The following PITPNM2 variants were observed in gnomAD, a reference collection of about 807,000 sequenced individuals.
PITPNM2 encodes phosphatidylinositol transfer protein membrane associated 2.
PITPNM2 carries 35 observed loss-of-function variants against 132.2 expected under a neutral mutation model. That is an observed-to-expected ratio of 0.26 (90% CI 0.20 to 0.35). The LOEUF (loss-of-function observed/expected upper bound fraction) is 0.35, where lower values mean the gene tolerates loss of function less well. PITPNM2 is among the 10% of genes least tolerant of loss of function. The pLI, the probability that PITPNM2 is intolerant of heterozygous loss-of-function variation, is 1.00. For synonymous variants in PITPNM2, 738 were observed against 799.2 expected (o/e 0.92, Z 1.29); for missense variants, 1,332 against 1,912.0 (o/e 0.70, Z 5.66).
upstream of PITPNM2, among the ~76,000 whole-genome samples, chr12:123,151,841 A>C (rs192665489): frequency 1.3e-5 from 2 of 152,196 alleles, no homozygotes; most frequent in Non-Finnish European, 2.9e-5. Flanking sequence ...CCTAAAACTT[A>C]GTGATGTGTG....
chr12:123,074,075 AGAGG>A (rs1268739318), intron 2 of PITPNM2, among the ~76,000 whole-genome samples: 3 of 152,226 alleles, frequency 2.0e-5, no homozygotes, highest in African/African-American at 7.2e-5. Flanking sequence ...TGAGTGAGGC[AGAGG>A]GAGGGAGGGA....
At chr12:123,136,266 C>T (rs1273813878) in intron 1 of PITPNM2, among the ~76,000 whole-genome samples, 1 of 151,688 alleles carries the variant, frequency 6.6e-6, no homozygotes, top group Non-Finnish European at 1.5e-5. Flanking sequence ...CGCACCACTG[C>T]ACTCCAGCCT....
Position 122,985,026 on chromosome 12 carries a change from T to A in PITPNM2, c.*1001A>T, listed in dbSNP as rs1220366303. 1 of 152,056 alleles carries A rather than the reference T, an allele frequency of 6.6e-6. No individual in the cohort carries two copies. The highest frequency in any genetic ancestry group is 1.5e-5 in the Non-Finnish European group (1 of 67,996). The allele number at this position is 152,056 out of a possible 1,614,324, so 9.4% of individuals were successfully genotyped here. On this transcript the variant is annotated 3_prime_UTR_variant, in exon 26 of 26. Coordinates refer to ENST00000320201, the MANE Select transcript of PITPNM2 (RefSeq NM_020845.3). ...TGCCCCACCCACCCCAGAGTAGAAA[T>A]TCAGTGGGATTGCCGGGGCCAGGTG...
intron 2 of PITPNM2, among the ~76,000 whole-genome samples, chr12:123,070,173 T>A (rs1272362452): frequency 3.9e-5 from 6 of 152,194 alleles, no homozygotes; most frequent in Non-Finnish European, 7.4e-5. Context: ...CCCAGCTCTC[T>A]TCACTGCTCT....
intron 2 of PITPNM2, among the ~76,000 whole-genome samples, chr12:123,041,985 C>T (rs533789129): frequency 1.3e-5 from 2 of 152,262 alleles, no homozygotes; most frequent in East Asian, 3.9e-4. Context: ...AAACACCTGG[C>T]CAGACCGTGT....
chr12:123,136,691 A>G (rs2137610633), intron 1 of PITPNM2, among the ~76,000 whole-genome samples: 2 of 152,200 alleles, frequency 1.3e-5, no homozygotes, highest in Admixed American at 1.3e-4. Context: ...AGGTCAGGAG[A>G]TTGACACCAT....
chr12:123,069,799 T>C (rs1256208648), intron 2 of PITPNM2, among the ~76,000 whole-genome samples: 1 of 152,106 alleles, frequency 6.6e-6, no homozygotes, highest in African/African-American at 2.4e-5. Flanking sequence ...CAAATATTTG[T>C]TAGATAAAAG....
chr12:123,009,923 T>G lies in PITPNM2; in HGVS notation c.570A>C (p.Ala190=). The G allele has an allele frequency of 6.2e-7, 1 of 1,614,190 alleles. No homozygotes were observed. Among genetic ancestry groups the G allele is most frequent in the Non-Finnish European group, 8.5e-7 (1 of 1,180,032 alleles). The change falls in exon 6 of 26, where the codon GCA becomes GCC. Residue 190 remains alanine, a synonymous_variant. Transcript: ENST00000320201. This position sits in a 1 kb window ranked among gnomAD's most constrained non-coding sequence, Gnocchi z 4.8. ...GGAACTCCACCTTGCAGAGCTTGTA[T>G]GCGCACATGATGGGGAAGACCTGCT... ...YKKQVFPIMC[A]YKLCKVEFRY...
intron 12 of PITPNM2, 65 bp downstream of exon 12, chr12:122,996,656 C>G: frequency 6.2e-7 from 1 of 1,611,476 alleles, no homozygotes; most frequent in Non-Finnish European, 8.5e-7. Context: ...CACCTTCCCC[C>G]TGAGGCCAGC....
At chr12:123,151,159 AGCG>A (rs1048978238), upstream of PITPNM2, among the ~76,000 whole-genome samples, 3 of 143,300 alleles carry the variant, frequency 2.1e-5, no homozygotes, top group Admixed American at 6.8e-5. Context: ...CGCGCGGGGG[AGCG>A]GCGGCGGCGG....
chr12:123,136,368 G>A (rs1034372225), intron 1 of PITPNM2, among the ~76,000 whole-genome samples: 3 of 152,012 alleles, frequency 2.0e-5, no homozygotes, highest in African/African-American at 7.3e-5. Flanking sequence ...ATTTAACTTG[G>A]TGTTAAAGAA....
chr12:123,117,843 C>T lies in PITPNM2; in HGVS notation c.-199-7355G>A, dbSNP rs566184172. 7.2e-5 allele frequency among the ~76,000 whole-genome samples: 11 copies of T among 152,226 alleles called. No individual in the cohort carries two copies. The highest frequency in any genetic ancestry group is 1.5e-4 in the Non-Finnish European group (10 of 68,036). ...GCCCCCTGGACTCTAGGTGAGGCTA[C>T]GGGACTAGTTATATGAGTAGGGGAG... On this transcript the variant is annotated intron_variant, in intron 1 of 25. Transcript: ENST00000320201. The surrounding 1 kb of genome is among the most constrained non-coding windows in gnomAD (Gnocchi z 4.7).
At chr12:123,063,907 T>C (rs1241558796) in intron 2 of PITPNM2, among the ~76,000 whole-genome samples, 4 of 151,868 alleles carry the variant, frequency 2.6e-5, no homozygotes, top group African/African-American at 4.8e-5. Flanking sequence ...CCTAGTCCAA[T>C]ACCACACACA....
At chr12:123,014,327 A>G (rs550591543) in intron 3 of PITPNM2, among the ~76,000 whole-genome samples, 2 of 152,380 alleles carry the variant, frequency 1.3e-5, no homozygotes, top group Non-Finnish European at 1.5e-5. Flanking sequence ...AAGATCAGGA[A>G]CAAGACAAGG....
intron 2 of PITPNM2, among the ~76,000 whole-genome samples, chr12:123,069,340 C>T (rs546451979): frequency 7.2e-5 from 11 of 152,186 alleles, no homozygotes; most frequent in South Asian, 2.1e-4. Flanking sequence ...TCAGAACCTG[C>T]GTTTTAAACA....
intron 2 of PITPNM2, among the ~76,000 whole-genome samples, chr12:123,039,974 A>T (rs887152002): frequency 1.3e-5 from 2 of 152,194 alleles, no homozygotes; most frequent in Non-Finnish European, 2.9e-5. Flanking sequence ...TCTACAAAAA[A>T]TACAAAAGTT....
Position 123,070,370 on chromosome 12 carries a change from G to A in PITPNM2, c.-95-35685C>T, listed in dbSNP as rs1057427564. On this transcript the variant is annotated intron_variant, in intron 2 of 25. Coordinates refer to ENST00000320201, the MANE Select transcript of PITPNM2 (RefSeq NM_020845.3). ...ATAGTGAAGGGGTTTGAGCTGGACC[G>A]TATCCAAGGGCCCCAGGACCGTGTG... Among the ~76,000 whole-genome samples, 11 of 152,164 alleles carry A rather than the reference G, an allele frequency of 7.2e-5. No individual in the cohort carries two copies. The South Asian group carries it at 8.3e-4, about 11-fold the overall frequency.
At position 123,100,368 on chromosome 12, in the gene PITPNM2, G is replaced by A. The variant is rs1478826714; in HGVS notation, c.-96+10017C>T. Among the ~76,000 whole-genome samples, 6 of 152,240 alleles carry A rather than the reference G, an allele frequency of 3.9e-5. No homozygotes were observed. The East Asian group carries it at 7.7e-4, about 20-fold the overall frequency. Reference sequence around the variant, plus strand: ...AAGCTGGGCATGGTGGCTCATGCCTGTAATCCCAGCACTTTGGGAGGCCAA... The same window carrying A: ...AAGCTGGGCATGGTGGCTCATGCCTATAATCCCAGCACTTTGGGAGGCCAA... On this transcript the variant is annotated intron_variant, in intron 2 of 25. Transcript: ENST00000320201.
chr12:123,001,256 C>T (rs1162369879), intron 8 of PITPNM2, 98 bp from the exon 9 acceptor site: 24 of 879,250 alleles, frequency 2.7e-5, no homozygotes, highest in South Asian at 1.7e-4. Flanking sequence ...CTGCTCTGAC[C>T]GTTCCTCAAC....
Sources: allele counts gnomAD v4.1 joint callset (sites outside exome capture counted in the v4.1 genomes callset), GRCh38; gene constraint gnomAD v4.1.1; non-coding constraint Gnocchi (gnomAD v3.1); transcripts MANE v1.5; gene names NCBI Gene and HGNC (gene_info 2026-07-23, HGNC 2026-07-21).